The following ANXA4 variants were observed in gnomAD, a reference collection of about 807,000 sequenced individuals.
The protein encoded by ANXA4 is 35-beta calcimedin.
Under a neutral mutation model 49.8 loss-of-function variants are expected in ANXA4, and 39 were observed. The observed-to-expected ratio is 0.78, with a 90% CI of 0.61 to 1.02. The LOEUF (loss-of-function observed/expected upper bound fraction) is 1.02. ANXA4 is among the 50% of genes least tolerant of loss of function. ANXA4 has a pLI of 0.00. For synonymous variants in ANXA4, 134 were observed against 152.5 expected, an observed-to-expected ratio of 0.88 and a Z score of 0.89; for missense variants, 360 against 410.1, an observed-to-expected ratio of 0.88 and a Z score of 1.05.
chr2:69,751,558 C>G (rs1239648574), intron 1 of ANXA4, among the ~76,000 whole-genome samples: 1 of 148,188 alleles, frequency 6.7e-6, no homozygotes, highest in Admixed American at 6.8e-5. Flanking sequence ...CAGAAAAAGA[C>G]AGGGCTGGGA....
At chr2:69,818,554 C>T (rs199638836) in intron 9 of ANXA4, 45 bp from the exon 10 acceptor site, 1 of 1,332,492 alleles carries the variant, frequency 7.5e-7, no homozygotes, top group East Asian at 2.4e-5. Flanking sequence ...TTTTAGTTTC[C>T]TCTGTTTTTT....
chr2:69,786,355 G>T (rs915977838), intron 2 of ANXA4, among the ~76,000 whole-genome samples: 21 of 152,068 alleles, frequency 1.4e-4, no homozygotes, highest in African/African-American at 5.1e-4. Flanking sequence ...TTTCACCCTA[G>T]TCTAGCTCAT....
intron 1 of ANXA4, among the ~76,000 whole-genome samples, chr2:69,647,047 A>C (rs1676032001): frequency 6.6e-6 from 1 of 152,258 alleles, no homozygotes; most frequent in South Asian, 2.1e-4. Flanking sequence ...GGACATATGT[A>C]ACATGCATGT....
At position 69,691,602 on chromosome 2, in the gene ANXA4, C is replaced by T. The variant is rs545838260; in HGVS notation, n.767-29172C>T. ...ACACACACACACACACACACACAGA[C>T]GCATGCACATATGCATGCCTATAGC... On this transcript the variant is annotated intron_variant and non_coding_transcript_variant, in intron 2 of 3. Transcript: ENST00000418066. Among the ~76,000 whole-genome samples the T allele has an allele frequency of 3.3e-5, 5 of 151,782 alleles. No homozygotes were observed. In the East Asian group the frequency reaches 5.8e-4, roughly 18 times the overall value.
intron 1 of ANXA4, among the ~76,000 whole-genome samples, chr2:69,750,423 G>GT (rs1262848262): frequency 6.6e-6 from 1 of 152,036 alleles, no homozygotes; most frequent in East Asian, 1.9e-4. Flanking sequence ...TTTTGTTTTT[G>GT]TTTTTCTAAG....
At position 69,810,926 on chromosome 2, in the gene ANXA4, GAGTTATGA is replaced by G. The variant is rs1673680191; in HGVS notation, c.477+256_477+263del. 3 of 485,378 alleles carry G rather than the reference GAGTTATGA, an allele frequency of 6.2e-6. No individual in the cohort carries two copies. The Admixed American group carries it at 9.9e-5, about 16-fold the overall frequency. 30.1% of individuals were successfully genotyped at this position (485,378 alleles called of 1,614,324 possible). A position where few individuals can be genotyped will look rare whatever the true frequency, so the allele number is the denominator to read the frequency against. On this transcript the variant is annotated intron_variant, in intron 7 of 12. Transcript: ENST00000394295. ...GTCCCCCTGTCACTCAGTGCATTGA[GAGTTATGA>G]AGATGATTCAGAGGCAGTTCCTGGG...
At chr2:69,670,687 A>G (rs564609480) in intron 2 of ANXA4, among the ~76,000 whole-genome samples, 1 of 152,140 alleles carries the variant, frequency 6.6e-6, no homozygotes, top group Non-Finnish European at 1.5e-5. Flanking sequence ...TTGGTTATCT[A>G]CGGAAAAAAT....
intron 1 of ANXA4, among the ~76,000 whole-genome samples, chr2:69,771,268 A>C (rs1223330319): frequency 6.6e-6 from 1 of 152,166 alleles, no homozygotes; most frequent in Non-Finnish European, 1.5e-5. Context: ...TCATCTTCAC[A>C]GTGGGGAAAT....
At chr2:69,752,793 T>C (rs112921765) in intron 1 of ANXA4, among the ~76,000 whole-genome samples, 6 of 151,982 alleles carry the variant, frequency 3.9e-5, no homozygotes, top group African/African-American at 1.4e-4. Context: ...GTCCACCCTC[T>C]AGGCCTGGCC....
At chr2:69,663,250 T>C (rs1363554106) in intron 2 of ANXA4, among the ~76,000 whole-genome samples, 1 of 128,720 alleles carries the variant, frequency 7.8e-6, no homozygotes, top group Non-Finnish European at 1.6e-5. Context: ...CGTCTCGGCC[T>C]CCCAAAGTGC....
At chr2:69,664,631 A>G (rs1391504912) in intron 2 of ANXA4, among the ~76,000 whole-genome samples, 1 of 152,230 alleles carries the variant, frequency 6.6e-6, no homozygotes, top group African/African-American at 2.4e-5. Flanking sequence ...TCAACAAGTC[A>G]CATTAAACTT....
intron 1 of ANXA4, among the ~76,000 whole-genome samples, chr2:69,776,174 C>T (rs1294149575): frequency 6.6e-6 from 1 of 151,948 alleles, no homozygotes; most frequent in Non-Finnish European, 1.5e-5. Context: ...TAGGGTTTCA[C>T]CATGTTGGCC....
intron 11 of ANXA4, 57 bp from the exon 12 acceptor site, chr2:69,820,642 A>C (rs1451348938): frequency 1.3e-6 from 2 of 1,599,942 alleles, no homozygotes; most frequent in Non-Finnish European, 1.7e-6. Flanking sequence ...AGACTAAAGA[A>C]GACACTGAAA....
intron 2 of ANXA4, among the ~76,000 whole-genome samples, chr2:69,692,745 T>G (rs921172588): frequency 6.6e-6 from 1 of 152,196 alleles, no homozygotes; most frequent in African/African-American, 2.4e-5. Context: ...ATATACTGAG[T>G]ATTTACAATG....
chr2:69,723,448 A>C (rs930660163), intron 3 of ANXA4, among the ~76,000 whole-genome samples: 10 of 152,154 alleles, frequency 6.6e-5, no homozygotes, highest in Admixed American at 2.0e-4. Flanking sequence ...TAGGGCAAGG[A>C]TGTGGTGATG....
chr2:69,788,496 C>T (rs1486628083), intron 3 of ANXA4, among the ~76,000 whole-genome samples: 1 of 151,472 alleles, frequency 6.6e-6, no homozygotes, highest in Non-Finnish European at 1.5e-5. Flanking sequence ...GCTGAGATCT[C>T]GCCATGGCAC....
intron 6 of ANXA4, chr2:69,809,301 T>C (rs748559318): frequency 1.3e-4 from 20 of 152,168 alleles, no homozygotes; most frequent in Non-Finnish European, 2.2e-4. Context: ...TTGTGGGAAG[T>C]GTTCAGAGCA....
chr2:69,728,886 A>T (rs566619863), intron 3 of ANXA4, among the ~76,000 whole-genome samples: 1 of 152,222 alleles, frequency 6.6e-6, no homozygotes, highest in Non-Finnish European at 1.5e-5. Flanking sequence ...CAGTTTCTAT[A>T]TACATACCTC....
At chr2:69,675,887 G>A (rs1677394451) in intron 2 of ANXA4, among the ~76,000 whole-genome samples, 1 of 151,750 alleles carries the variant, frequency 6.6e-6, no homozygotes, top group African/African-American at 2.4e-5. Flanking sequence ...GCCAAGCGTG[G>A]TCTCAGATTC....
Sources: gnomAD v4.1 joint callset for allele counts (sites outside exome capture counted in the v4.1 genomes callset) on GRCh38, gnomAD v4.1.1 for gene constraint, MANE v1.5 for transcripts, NCBI Gene and HGNC (gene_info 2026-07-23, HGNC 2026-07-21) for gene names.